The following CHMP4B variants were observed in gnomAD, a reference collection of about 807,000 sequenced individuals.
CHMP4B encodes the protein SNF7 homolog associated with Alix 1.
CHMP4B carries 1 observed loss-of-function variant against 25.1 expected under a neutral mutation model. The ratio of observed to expected loss-of-function variants is 0.04; its 90% CI spans 0.01 to 0.19. CHMP4B has a LOEUF of 0.19. Among genes scored for constraint, CHMP4B ranks in the 10% least tolerant of loss-of-function variants. The pLI is 1.00. For synonymous variants in CHMP4B, 101 were observed against 115.6 expected (o/e 0.87, Z 0.81); for missense variants, 151 against 289.7 (o/e 0.52, Z 3.48).
At chr20:33,822,988 CTG>C (rs1360112709) in intron 1 of CHMP4B, among the ~76,000 whole-genome samples, 1 of 151,928 alleles carries the variant, frequency 6.6e-6, no homozygotes. Context: ...TGGGGTTTCA[CTG>C]TGTTAGCCAG....
intron 1 of CHMP4B, among the ~76,000 whole-genome samples, chr20:33,821,322 G>A (rs1978934126): frequency 6.6e-6 from 1 of 150,984 alleles, no homozygotes; most frequent in South Asian, 2.1e-4. Flanking sequence ...CGGAAGTGGA[G>A]GTGGCAGTGA....
chr20:33,822,927 T>C (rs6579121), intron 1 of CHMP4B, among the ~76,000 whole-genome samples: 28,199 of 151,962 alleles, frequency 0.19, 3,085 homozygotes, highest in East Asian at 0.59. Context: ...CCTGAGTAGC[T>C]ACAGGTGCCC....
chr20:33,852,561 AG>A (rs1979885478), intron 4 of CHMP4B, among the ~76,000 whole-genome samples: 1 of 152,128 alleles, frequency 6.6e-6, no homozygotes, highest in African/African-American at 2.4e-5. Context: ...AACCGCCATG[AG>A]TTATGTCAAC....
At chr20:33,819,104 G>A (rs927310522) in intron 1 of CHMP4B, among the ~76,000 whole-genome samples, 2 of 152,122 alleles carry the variant, frequency 1.3e-5, no homozygotes, top group Admixed American at 6.5e-5. Flanking sequence ...TAGAGACGAG[G>A]TTTCACCATG....
chr20:33,829,066 C>T (rs186852134), intron 1 of CHMP4B, among the ~76,000 whole-genome samples: 1 of 152,304 alleles, frequency 6.6e-6, no homozygotes, highest in Non-Finnish European at 1.5e-5. Flanking sequence ...GCTGGGAGTA[C>T]AGAAATGAAG....
At chr20:33,814,216 T>C (rs1394500087) in intron 1 of CHMP4B, among the ~76,000 whole-genome samples, 2 of 152,162 alleles carry the variant, frequency 1.3e-5, no homozygotes, top group African/African-American at 4.8e-5. Flanking sequence ...AGGAAGGTCT[T>C]AGTGTGGGGA....
At chr20:33,816,197 G>A (rs1278619131) in intron 1 of CHMP4B, among the ~76,000 whole-genome samples, 1 of 152,060 alleles carries the variant, frequency 6.6e-6, no homozygotes, top group Non-Finnish European at 1.5e-5. Flanking sequence ...TAAGCATGTG[G>A]CAGGCCCTTA....
Position 33,839,604 on chromosome 20 carries a change from G to T in CHMP4B, c.191-8863G>T, listed in dbSNP as rs534360323. Among the ~76,000 whole-genome samples the T allele has an allele frequency of 2.6e-5, 4 of 152,260 alleles. No homozygotes were observed. In the East Asian group the frequency reaches 7.7e-4, roughly 29 times the overall value. ...CTGGACTGTCGCTAGTGGACAGTTT[G>T]TGGGCAGAACAGGCAGCCCGCTGAA... On this transcript the variant is annotated intron_variant, in intron 1 of 4. Transcript: ENST00000217402.
Position 33,841,735 on chromosome 20 carries a change from C to T in CHMP4B, c.191-6732C>T, listed in dbSNP as rs79555215. Among the ~76,000 whole-genome samples the T allele has an allele frequency of 3.3e-3, 502 of 152,214 alleles. 1 individual carries two copies. The highest frequency in any genetic ancestry group is 0.012 in the African/African-American group (488 of 41,520). ...CCTCTTTCCCATTCTTTTTTCCCCC[C>T]CTTCTATCTGGGGACTTAGGAGAGC... On this transcript the variant is annotated intron_variant, in intron 1 of 4. Coordinates refer to ENST00000217402, the MANE Select transcript of CHMP4B (RefSeq NM_176812.5).
chr20:33,825,274 T>C (rs1340639764), intron 1 of CHMP4B, among the ~76,000 whole-genome samples: 1 of 152,256 alleles, frequency 6.6e-6, no homozygotes, highest in African/African-American at 2.4e-5. Flanking sequence ...ATATTCACTA[T>C]ATACCCACCG....
At chr20:33,814,617 G>A (rs1052378965) in intron 1 of CHMP4B, among the ~76,000 whole-genome samples, 4 of 152,120 alleles carry the variant, frequency 2.6e-5, no homozygotes, top group African/African-American at 9.7e-5. Flanking sequence ...ACCTTGACCT[G>A]GAAGTAGTGA....
intron 1 of CHMP4B, among the ~76,000 whole-genome samples, chr20:33,813,930 A>C (rs1004171210): frequency 6.6e-6 from 1 of 152,134 alleles, no homozygotes; most frequent in African/African-American, 2.4e-5. Context: ...ATGGGGTTTC[A>C]CCATGTTGGT....
At chr20:33,850,316 A>T (rs1979811439) in intron 2 of CHMP4B, among the ~76,000 whole-genome samples, 1 of 152,178 alleles carries the variant, frequency 6.6e-6, no homozygotes. Context: ...TGTTCATTGG[A>T]CCGAGCTGCT....
Position 33,811,647 on chromosome 20 carries a change from A to G in CHMP4B, c.179A>G (p.Lys60Arg), listed in dbSNP as rs1286589536. The G allele has an allele frequency of 6.2e-7, 1 of 1,613,702 alleles. No homozygotes were observed. The highest frequency in any genetic ancestry group is 8.5e-7 in the Non-Finnish European group (1 of 1,179,870). Residue 60 changes from lysine (K) to arginine (R), a missense_variant, in exon 1 of 5, where the codon AAA (lysine) becomes AGA (arginine). Around this residue, in one of 3 missense-constraint regions of CHMP4B, gnomAD observed 82 missense variants for 208.3 expected, o/e 0.39. Transcript: ENST00000217402. ...ELTAAKKHGTKNKRAALQALK... is the reference protein window; with the variant it reads ...ELTAAKKHGTRNKRAALQALK... ...ACGGCCGCCAAGAAGCACGGCACCA[A>G]AAACAAGCGCGGTGAGGCTGCCCGG...
chr20:33,852,367 G>C (rs1979878997), intron 4 of CHMP4B, among the ~76,000 whole-genome samples, 164 bp downstream of exon 4: 1 of 151,936 alleles, frequency 6.6e-6, no homozygotes, highest in African/African-American at 2.4e-5. Flanking sequence ...ATCCATTGTA[G>C]TGGCCACAGA....
chr20:33,853,623 G>T lies in CHMP4B; in HGVS notation c.*63G>T. On this transcript the variant is annotated 3_prime_UTR_variant, in exon 5 of 5. Coordinates refer to ENST00000217402, the MANE Select transcript of CHMP4B (RefSeq NM_176812.5). ...TGGCCTGCGCAGCGAGCAGGCGTGT[G>T]CGTGTGTGGGGCAGGCAGGATGTGG... 1 of 1,431,796 alleles carries T rather than the reference G, an allele frequency of 7.0e-7. No homozygotes were observed. The allele number at this position is 1,431,796 out of a possible 1,614,324, so 88.7% of individuals were successfully genotyped here.
At chr20:33,824,235 C>T (rs1448624101) in intron 1 of CHMP4B, among the ~76,000 whole-genome samples, 1 of 152,024 alleles carries the variant, frequency 6.6e-6, no homozygotes, top group Non-Finnish European at 1.5e-5. Context: ...AACTAAGGCT[C>T]AAAACAATTA....
chr20:33,838,022 G>GT (rs1979435499), intron 1 of CHMP4B, among the ~76,000 whole-genome samples: 1 of 152,212 alleles, frequency 6.6e-6, no homozygotes, highest in Non-Finnish European at 1.5e-5. Context: ...GACTTGCTCA[G>GT]TGACATACTT....
chr20:33,839,412 A>G (rs1314557114), intron 1 of CHMP4B, among the ~76,000 whole-genome samples: 1 of 152,220 alleles, frequency 6.6e-6, no homozygotes, highest in Non-Finnish European at 1.5e-5. Flanking sequence ...TATTCTTTAA[A>G]ACAGAAAAAA....
Sources: allele counts gnomAD v4.1 joint callset (sites outside exome capture counted in the v4.1 genomes callset), GRCh38; gene constraint gnomAD v4.1.1; regional missense constraint gnomAD v4.1.1; transcripts MANE v1.5; gene names NCBI Gene and HGNC (gene_info 2026-07-23, HGNC 2026-07-21).